The following TMTC1 variants were observed in gnomAD, a reference collection of about 807,000 sequenced individuals.
TMTC1 encodes protein O-mannosyl-transferase TMTC1.
Under a neutral mutation model 104.8 loss-of-function variants are expected in TMTC1, and 73 were observed. The ratio of observed to expected loss-of-function variants is 0.70; its 90% CI spans 0.58 to 0.85. The LOEUF is 0.85. Ranked by LOEUF, TMTC1 falls within the 40% of genes least tolerant of loss-of-function variation. The pLI is 0.00. For synonymous variants in TMTC1, 434 were observed against 428.7 expected (o/e 1.01, Z -0.15); for missense variants, 1,035 against 1,096.1 (o/e 0.94, Z 0.79).
chr12:29,652,484 C>T (rs777597961), intron 5 of TMTC1, among the ~76,000 whole-genome samples: 1 of 152,136 alleles, frequency 6.6e-6, no homozygotes, highest in African/African-American at 2.4e-5. Context: ...AAAAGCAAAA[C>T]AAGGATATAT....
intron 5 of TMTC1, among the ~76,000 whole-genome samples, chr12:29,749,769 C>T (rs2136966405): frequency 1.3e-5 from 2 of 152,242 alleles, no homozygotes; most frequent in Non-Finnish European, 1.5e-5. Context: ...CCACCATCCA[C>T]CCACCTGGTT....
chr12:29,503,086 CG>C lies in TMTC1; in HGVS notation c.*3759del, dbSNP rs1943629381. 1 of 152,156 alleles carries C rather than the reference CG, an allele frequency of 6.6e-6. No individual in the cohort carries two copies. The highest frequency in any genetic ancestry group is 1.9e-4 in the East Asian group (1 of 5,196). The allele number at this position is 152,156 out of a possible 1,614,324, so 9.4% of individuals were successfully genotyped here. ...TTCTCATTTAGTCTGACTGAAAGGCCGTTGCGCAGAGGCATTCGCACAACTG... is the reference window on the plus strand; with the variant it reads ...TTCTCATTTAGTCTGACTGAAAGGCCTTGCGCAGAGGCATTCGCACAACTG... On this transcript the variant is annotated 3_prime_UTR_variant, in exon 18 of 18. Coordinates refer to ENST00000539277, the MANE Select transcript of TMTC1 (RefSeq NM_001193451.2).
At chr12:29,520,186 C>T (rs2136155847) in intron 12 of TMTC1, among the ~76,000 whole-genome samples, 1 of 152,246 alleles carries the variant, frequency 6.6e-6, no homozygotes, top group East Asian at 1.9e-4. Flanking sequence ...TTCTAATGTA[C>T]ATCAAGGAAG....
intron 7 of TMTC1, among the ~76,000 whole-genome samples, chr12:29,594,894 C>T (rs114258170): frequency 0.014 from 2,091 of 152,030 alleles, 42 homozygotes; most frequent in African/African-American, 0.047. Flanking sequence ...AGGTTAGAAA[C>T]GACATGAAGA....
chr12:29,610,470 A>G (rs185366696), intron 6 of TMTC1, among the ~76,000 whole-genome samples: 13 of 152,356 alleles, frequency 8.5e-5, no homozygotes, highest in Admixed American at 3.3e-4. Flanking sequence ...GTTTACTGCT[A>G]TGACAATGAT....
intron 5 of TMTC1, among the ~76,000 whole-genome samples, chr12:29,638,107 T>C (rs984079879): frequency 6.6e-6 from 1 of 152,094 alleles, no homozygotes; most frequent in Non-Finnish European, 1.5e-5. Context: ...GCTAGGGCTC[T>C]ACCCTCAGGC....
intron 5 of TMTC1, among the ~76,000 whole-genome samples, chr12:29,663,515 T>C (rs750643224): frequency 2.0e-5 from 3 of 151,868 alleles, no homozygotes; most frequent in Non-Finnish European, 4.4e-5. Flanking sequence ...TTTAGGTAAA[T>C]TTTCCTTTTC....
chr12:29,774,980 G>A (rs1224671582), intron 1 of TMTC1, among the ~76,000 whole-genome samples: 1 of 152,122 alleles, frequency 6.6e-6, no homozygotes, highest in African/African-American at 2.4e-5. Flanking sequence ...CAGGAAAGCT[G>A]CCCCATGGGA....
intron 1 of TMTC1, among the ~76,000 whole-genome samples, chr12:29,776,640 T>C (rs1402209634): frequency 6.6e-6 from 1 of 152,190 alleles, no homozygotes; most frequent in Non-Finnish European, 1.5e-5. Context: ...CAGGCTTAGT[T>C]GTAGGTGCTA....
chr12:29,644,053 A>AAT (rs1565734847), intron 5 of TMTC1, among the ~76,000 whole-genome samples: 2 of 35,152 alleles, frequency 5.7e-5, no homozygotes, highest in African/African-American at 7.8e-5. Flanking sequence ...TTTATATATA[A>AAT]ATATAAATAT....
At chr12:29,723,028 C>T (rs1372691478) in intron 5 of TMTC1, among the ~76,000 whole-genome samples, 1 of 151,090 alleles carries the variant, frequency 6.6e-6, no homozygotes, top group African/African-American at 2.4e-5. Context: ...TATTTCTATA[C>T]ACTAGCATTA....
chr12:29,566,334 T>C (rs1945513650), intron 9 of TMTC1, among the ~76,000 whole-genome samples: 2 of 152,022 alleles, frequency 1.3e-5, no homozygotes, highest in Admixed American at 1.3e-4. Context: ...AGGAGGTGTG[T>C]CAGGGGGAGT....
At chr12:29,585,450 AC>A (rs1946107179) in intron 7 of TMTC1, among the ~76,000 whole-genome samples, 1 of 151,714 alleles carries the variant, frequency 6.6e-6, no homozygotes, top group Non-Finnish European at 1.5e-5. Context: ...TTTAATTAGA[AC>A]CCATTTGTCA....
At chr12:29,771,078 G>GT (rs1943584744) in intron 1 of TMTC1, among the ~76,000 whole-genome samples, 1 of 152,152 alleles carries the variant, frequency 6.6e-6, no homozygotes, top group East Asian at 1.9e-4. Context: ...GATCTCCAGT[G>GT]TATGTCACAG....
chr12:29,539,984 C>G (rs1944751132), intron 10 of TMTC1, among the ~76,000 whole-genome samples: 2 of 152,176 alleles, frequency 1.3e-5, no homozygotes, highest in Non-Finnish European at 2.9e-5. Context: ...TTGCCCAGCT[C>G]AAAGCTCCTA....
At chr12:29,552,022 T>C (rs1945119332) in intron 10 of TMTC1, among the ~76,000 whole-genome samples, 1 of 152,222 alleles carries the variant, frequency 6.6e-6, no homozygotes, top group Non-Finnish European at 1.5e-5. Context: ...AAGCCGTCTG[T>C]CATATAATTC....
At chr12:29,615,629 T>C (rs1340288866) in intron 6 of TMTC1, among the ~76,000 whole-genome samples, 2 of 152,074 alleles carry the variant, frequency 1.3e-5, no homozygotes, top group African/African-American at 4.8e-5. Context: ...CCCTCATCCA[T>C]CAGGACTCCC....
At chr12:29,639,685 C>T (rs1434332680) in intron 5 of TMTC1, among the ~76,000 whole-genome samples, 1 of 152,186 alleles carries the variant, frequency 6.6e-6, no homozygotes, top group Non-Finnish European at 1.5e-5. Flanking sequence ...GAAGATTGTT[C>T]ATAGCAGGAC....
chr12:29,653,944 C>T (rs1939638548), intron 5 of TMTC1, among the ~76,000 whole-genome samples: 1 of 152,154 alleles, frequency 6.6e-6, no homozygotes, highest in Non-Finnish European at 1.5e-5. Flanking sequence ...AATCTTCATA[C>T]AAATACACAG....
Sources: gnomAD v4.1 joint callset for allele counts (sites outside exome capture counted in the v4.1 genomes callset) on GRCh38, gnomAD v4.1.1 for gene constraint, MANE v1.5 for transcripts, NCBI Gene and HGNC (gene_info 2026-07-23, HGNC 2026-07-21) for gene names.